Variants in ENTHD1 observed in about 807,000 individuals in gnomAD.
ENTHD1 encodes the protein ENTH domain-containing protein 1.
In ENTHD1, 23 loss-of-function variants were observed where a neutral mutation model predicts 39.1. The observed-to-expected ratio is 0.59, with a 90% CI of 0.42 to 0.83. ENTHD1 has a LOEUF of 0.83. Ranked by LOEUF, ENTHD1 falls within the 40% of genes least tolerant of loss-of-function variation. ENTHD1 has a pLI of 0.00. For missense variants in ENTHD1, 624 were observed against 705.4 expected (o/e 0.88, Z 1.31); for synonymous variants, 230 against 258.2 (o/e 0.89, Z 1.05).
chr22:39,865,143 T>C (rs971785796), intron 2 of ENTHD1, among the ~76,000 whole-genome samples: 2 of 151,844 alleles, frequency 1.3e-5, no homozygotes, highest in South Asian at 4.2e-4. Context: ...TGTGGATTGG[T>C]GGGATTTGAG....
At chr22:39,744,927 G>A (rs1207234852) in intron 6 of ENTHD1, among the ~76,000 whole-genome samples, 1 of 151,578 alleles carries the variant, frequency 6.6e-6, no homozygotes, top group Non-Finnish European at 1.5e-5. Flanking sequence ...TTACATATTT[G>A]GGAAAGTTTT....
Position 39,744,057 on chromosome 22 carries a change from T to C in ENTHD1, c.1446A>G (p.Val482=). The C allele has an allele frequency of 6.2e-7, 1 of 1,614,186 alleles. No homozygotes were observed. The part of the protein sequence containing the change: ...FASRGPVSSD[V]EENDSLNLLG... ...GTAGATTGAGGCTATCATTTTCCTCTACATCAGAAGACACTGGGCCCCTAG... is the reference window on the plus strand; with the variant it reads ...GTAGATTGAGGCTATCATTTTCCTCCACATCAGAAGACACTGGGCCCCTAG... Residue 482 remains valine, a synonymous_variant, in exon 7 of 7, where the codon GTA becomes GTG. Coordinates refer to ENST00000325157, the MANE Select transcript of ENTHD1 (RefSeq NM_152512.4).
At chr22:39,875,918 T>G in intron 2 of ENTHD1, 1 of 1,613,906 alleles carries the variant, frequency 6.2e-7, no homozygotes, top group Non-Finnish European at 8.5e-7. Flanking sequence ...GAAACCTGAA[T>G]GGGTTATCCT....
At chr22:39,812,757 G>T (rs1244153350) in intron 5 of ENTHD1, among the ~76,000 whole-genome samples, 1 of 152,110 alleles carries the variant, frequency 6.6e-6, no homozygotes, top group East Asian at 1.9e-4. Context: ...CAGGTGGCAG[G>T]TTGATTACAT....
chr22:39,779,171 G>T (rs1445728324), intron 5 of ENTHD1, among the ~76,000 whole-genome samples: 1 of 152,018 alleles, frequency 6.6e-6, no homozygotes, highest in East Asian at 1.9e-4. Flanking sequence ...ACAAAAATTG[G>T]CCGGGCATGG....
intron 3 of ENTHD1, among the ~76,000 whole-genome samples, 200 bp from the exon 4 acceptor site, chr22:39,836,158 TA>T (rs1386558526): frequency 6.6e-6 from 1 of 152,214 alleles, no homozygotes; most frequent in Non-Finnish European, 1.5e-5. Flanking sequence ...AGACTGATTT[TA>T]AAAATACAAC....
intron 5 of ENTHD1, among the ~76,000 whole-genome samples, chr22:39,810,584 A>G (rs2065677668): frequency 6.6e-6 from 1 of 152,244 alleles, no homozygotes; most frequent in African/African-American, 2.4e-5. Context: ...TAATGCCACC[A>G]TCAAAGATTT....
At position 39,756,312 on chromosome 22, in the gene ENTHD1, TCTCTCA is replaced by T. The variant is rs61512726; in HGVS notation, c.1219+8905_1219+8910del. Among the ~76,000 whole-genome samples the T allele has an allele frequency of 7.0e-3, 1,038 of 148,454 alleles. 13 individuals carry two copies. The highest frequency in any genetic ancestry group is 0.025 in the African/African-American group (995 of 39,304). ...GTCTCTCTCTCTCTCTCTCTCTCTC[TCTCTCA>T]CACACACACACACACACACACGCAC... On this transcript the variant is annotated intron_variant, in intron 6 of 6. Transcript: ENST00000325157.
intron 6 of ENTHD1, among the ~76,000 whole-genome samples, chr22:39,747,519 A>G (rs887386423): frequency 5.9e-5 from 9 of 152,128 alleles, no homozygotes; most frequent in African/African-American, 2.2e-4. Flanking sequence ...AATTATTTTT[A>G]CTGTATTATA....
intron 5 of ENTHD1, among the ~76,000 whole-genome samples, chr22:39,768,485 A>T (rs560324233): frequency 3.2e-4 from 48 of 152,218 alleles, no homozygotes; most frequent in African/African-American, 1.1e-3. Flanking sequence ...AATCCTATTA[A>T]ACCCTACTAT....
rs73888186 is a variant in ENTHD1, at chr22:39,850,906, C to T, written c.592+10859G>A. 7.8e-3 allele frequency among the ~76,000 whole-genome samples: 1,192 copies of T among 152,236 alleles called. 16 individuals are homozygous for T. The highest frequency in any genetic ancestry group is 0.026 in the African/African-American group (1,084 of 41,534). ...ATATATCAAATGTTTATTATACATA[C>T]GTATCTATATTTATGTGTGTGTTTA... is the stretch of plus-strand genomic sequence containing the variant. On this transcript the variant is annotated intron_variant, in intron 3 of 6. Transcript: ENST00000325157.
chr22:39,893,134 T>C (rs1601677250), intron 1 of ENTHD1: 2 of 152,166 alleles, frequency 1.3e-5, no homozygotes, highest in East Asian at 3.9e-4. Flanking sequence ...TTAATTAGGA[T>C]TCAAAGCCAT....
intron 5 of ENTHD1, among the ~76,000 whole-genome samples, chr22:39,777,183 G>A (rs1432473849): frequency 6.6e-6 from 1 of 152,156 alleles, no homozygotes; most frequent in Non-Finnish European, 1.5e-5. Flanking sequence ...TTGCTAAGAG[G>A]CCACAGTTAT....
Position 39,836,003 on chromosome 22 carries a change from G to T in ENTHD1, c.593-45C>A, listed in dbSNP as rs749796589. The T allele has an allele frequency of 8.3e-6, 12 of 1,437,646 alleles. No homozygotes were observed. In the East Asian group the frequency reaches 1.2e-4, roughly 14 times the overall value. 89.1% of individuals were successfully genotyped at this position (1,437,646 alleles called of 1,614,324 possible). On this transcript the variant is annotated intron_variant, in intron 3 of 6. Coordinates refer to ENST00000325157, the MANE Select transcript of ENTHD1 (RefSeq NM_152512.4). ...TAAGATTTTACTTTGGCAAAACACA[G>T]TTATGTTTTTATATTAGTTCCCAAT... is the stretch of plus-strand genomic sequence containing the variant.
chr22:39,754,444 C>T (rs1010768389), intron 6 of ENTHD1, among the ~76,000 whole-genome samples: 2 of 152,208 alleles, frequency 1.3e-5, no homozygotes, highest in Non-Finnish European at 2.9e-5. Flanking sequence ...TAAACCTAAG[C>T]GTTCTCTTCA....
chr22:39,848,607 CT>C (rs1192133887), intron 3 of ENTHD1, among the ~76,000 whole-genome samples: 1 of 152,024 alleles, frequency 6.6e-6, no homozygotes, highest in Admixed American at 6.6e-5. Flanking sequence ...AGCATAATAC[CT>C]TTTTTGCCTT....
At chr22:39,800,684 G>A (rs1053051986) in intron 5 of ENTHD1, among the ~76,000 whole-genome samples, 1 of 152,176 alleles carries the variant, frequency 6.6e-6, no homozygotes. Context: ...TACATTCATA[G>A]CTCCCTGCTC....
At chr22:39,748,483 G>A (rs573357659) in intron 6 of ENTHD1, among the ~76,000 whole-genome samples, 58 of 151,294 alleles carry the variant, frequency 3.8e-4, no homozygotes, top group South Asian at 1.3e-3. Flanking sequence ...GTGCAGTGGC[G>A]CGATCTTGGC....
At chr22:39,790,254 C>T (rs2065493355) in intron 5 of ENTHD1, among the ~76,000 whole-genome samples, 2 of 152,018 alleles carry the variant, frequency 1.3e-5, no homozygotes, top group South Asian at 4.1e-4. Context: ...CTCCATGGAG[C>T]ACAGGGAGAA....
Sources: allele counts gnomAD v4.1 joint callset (sites outside exome capture counted in the v4.1 genomes callset), GRCh38; gene constraint gnomAD v4.1.1; transcripts MANE v1.5; gene names NCBI Gene and HGNC (gene_info 2026-07-23, HGNC 2026-07-21).